PHACTR1: variants seen among roughly 807,000 people sequenced by gnomAD.
PHACTR1 encodes the protein phosphatase and actin regulator 1.
PHACTR1 carries 16 observed loss-of-function variants against 69.2 expected under a neutral mutation model. The observed-to-expected ratio is 0.23, with a 90% confidence interval of 0.16 to 0.35. PHACTR1 has a LOEUF of 0.35. Ranked by LOEUF, PHACTR1 falls within the 10% of genes least tolerant of loss-of-function variation. PHACTR1 has a pLI of 1.00. For synonymous variants in PHACTR1, 312 were observed against 284.5 expected, an observed-to-expected ratio of 1.10 and a Z score of -0.97; for missense variants, 510 against 734.7, an observed-to-expected ratio of 0.69 and a Z score of 3.54.
At chr6:12,906,004 T>A (rs1302951008) in intron 4 of PHACTR1, among the ~76,000 whole-genome samples, 1 of 152,216 alleles carries the variant, frequency 6.6e-6, no homozygotes, top group Non-Finnish European at 1.5e-5. Flanking sequence ...TGCCTTTCTC[T>A]CACTTTATTT....
intron 4 of PHACTR1, among the ~76,000 whole-genome samples, chr6:12,898,265 G>T (rs1784870929): frequency 6.6e-6 from 1 of 151,992 alleles, no homozygotes; most frequent in Non-Finnish European, 1.5e-5. Context: ...TCTCTGGAAA[G>T]CTTCCCTGCC....
chr6:12,811,097 G>A (rs936706533), intron 4 of PHACTR1, among the ~76,000 whole-genome samples: 2 of 152,114 alleles, frequency 1.3e-5, no homozygotes, highest in African/African-American at 2.4e-5. Flanking sequence ...TTATTTCGTG[G>A]GCTTTAAAGT....
chr6:12,849,182 A>G (rs1348519319), intron 4 of PHACTR1, among the ~76,000 whole-genome samples: 1 of 152,176 alleles, frequency 6.6e-6, no homozygotes, highest in Non-Finnish European at 1.5e-5. Flanking sequence ...GAAGCTCCCT[A>G]GGAGCGTGTG....
intron 8 of PHACTR1, among the ~76,000 whole-genome samples, chr6:13,209,461 C>T (rs1766462313): frequency 6.6e-6 from 1 of 152,190 alleles, no homozygotes; most frequent in East Asian, 1.9e-4. Context: ...GGACCGACCC[C>T]CTGTTTGGGC....
At chr6:13,230,253 CA>C in intron 10 of PHACTR1, 60 bp downstream of exon 10, 1 of 1,566,100 alleles carries the variant, frequency 6.4e-7, no homozygotes, top group Non-Finnish European at 8.7e-7. Flanking sequence ...CAGGTTCTAG[CA>C]AAAGAATTCA....
chr6:13,207,245 T>A (rs572005238), intron 8 of PHACTR1, among the ~76,000 whole-genome samples: 1 of 152,234 alleles, frequency 6.6e-6, no homozygotes, highest in African/African-American at 2.4e-5. Flanking sequence ...ATATTACTTT[T>A]ATGATACTCA....
At chr6:12,985,541 A>AAAAAAT (rs1179784179) in intron 4 of PHACTR1, among the ~76,000 whole-genome samples, 178 of 132,746 alleles carry the variant, frequency 1.3e-3, no homozygotes, top group African/African-American at 5.0e-3. Flanking sequence ...AAAAAAAAAA[A>AAAAAAT]ATATATATAT....
intron 4 of PHACTR1, among the ~76,000 whole-genome samples, chr6:13,013,837 C>T (rs1000112943): frequency 4.3e-4 from 64 of 149,012 alleles, no homozygotes; most frequent in Non-Finnish European, 7.2e-4. Flanking sequence ...GCGCGAGTGG[C>T]AGCGCGCGGG....
At chr6:12,928,290 T>A (rs1354305475) in intron 4 of PHACTR1, among the ~76,000 whole-genome samples, 2 of 152,194 alleles carry the variant, frequency 1.3e-5, no homozygotes, top group Non-Finnish European at 2.9e-5. Flanking sequence ...TTTCGCTATG[T>A]GTGTTAGAAG....
chr6:13,017,741 T>C (rs1012765837), intron 4 of PHACTR1, among the ~76,000 whole-genome samples: 1 of 149,424 alleles, frequency 6.7e-6, no homozygotes, highest in African/African-American at 2.6e-5. Context: ...TTAGGAATTA[T>C]AATATATTTA....
At chr6:13,269,438 G>A (rs902720362) in intron 10 of PHACTR1, among the ~76,000 whole-genome samples, 1 of 152,186 alleles carries the variant, frequency 6.6e-6, no homozygotes, top group Admixed American at 6.5e-5. Flanking sequence ...AAAGACTACT[G>A]CATCCAAATT....
intron 4 of PHACTR1, among the ~76,000 whole-genome samples, chr6:12,789,903 T>C (rs1772036614): frequency 6.6e-6 from 1 of 151,350 alleles, no homozygotes; most frequent in Admixed American, 6.6e-5. Context: ...ATTAGGTATA[T>C]CTCCTAATGC....
intron 5 of PHACTR1, among the ~76,000 whole-genome samples, chr6:13,090,549 T>A (rs1813088342): frequency 6.6e-6 from 1 of 151,244 alleles, no homozygotes; most frequent in African/African-American, 2.4e-5. Context: ...GGTCTTGAAC[T>A]CCTGACCTCT....
intron 4 of PHACTR1, among the ~76,000 whole-genome samples, chr6:13,000,196 T>C (rs1173202619): frequency 1.3e-5 from 2 of 152,144 alleles, no homozygotes; most frequent in Non-Finnish European, 2.9e-5. Flanking sequence ...AGGCATGGTG[T>C]TGTTGAGGAA....
At chr6:13,063,317 G>A (rs147960471) in intron 5 of PHACTR1, among the ~76,000 whole-genome samples, 1 of 152,318 alleles carries the variant, frequency 6.6e-6, no homozygotes, top group East Asian at 1.9e-4. Flanking sequence ...AGAGCTTGAA[G>A]GAGACAAGCC....
intron 4 of PHACTR1, among the ~76,000 whole-genome samples, chr6:12,846,698 C>T (rs1779301488): frequency 6.7e-6 from 1 of 150,128 alleles, no homozygotes; most frequent in South Asian, 2.1e-4. Flanking sequence ...ATAACATCAT[C>T]ACCTTAATAA....
intron 4 of PHACTR1, among the ~76,000 whole-genome samples, chr6:12,775,164 T>G (rs1769894454): frequency 7.0e-6 from 1 of 142,212 alleles, no homozygotes; most frequent in Admixed American, 6.9e-5. Flanking sequence ...CACATTAATT[T>G]ATCACTCAGA....
intron 4 of PHACTR1, among the ~76,000 whole-genome samples, chr6:12,925,044 A>C (rs1788126380): frequency 1.3e-5 from 2 of 152,214 alleles, no homozygotes; most frequent in African/African-American, 2.4e-5. Context: ...ATTCAGATCC[A>C]TCACCTAAGT....
intron 5 of PHACTR1, among the ~76,000 whole-genome samples, chr6:13,152,680 G>A (rs1216638059): frequency 6.6e-6 from 1 of 152,162 alleles, no homozygotes; most frequent in Non-Finnish European, 1.5e-5. Context: ...ACAAACTAGT[G>A]CAAAGATTGG....
Sources: gnomAD v4.1 joint callset for allele counts (sites outside exome capture counted in the v4.1 genomes callset) on GRCh38, gnomAD v4.1.1 for gene constraint, MANE v1.5 for transcripts, NCBI Gene and HGNC (gene_info 2026-07-23, HGNC 2026-07-21) for gene names.